The following PLEK2 variants were observed in gnomAD, a reference collection of about 807,000 sequenced individuals.
PLEK2 encodes the protein pleckstrin 2.
PLEK2 carries 29 observed loss-of-function variants against 43.8 expected under a neutral mutation model. That is an observed-to-expected ratio of 0.66 (90% CI 0.49 to 0.90). PLEK2 has a LOEUF of 0.90. Among genes scored for constraint, PLEK2 ranks in the 40% least tolerant of loss-of-function variants. PLEK2 has a pLI of 0.00. For synonymous variants in PLEK2, 162 were observed against 173.2 expected (o/e 0.94, Z 0.51); for missense variants, 398 against 448.1 (o/e 0.89, Z 1.01).
At chr14:67,401,283 T>C (rs1405763695) in intron 1 of PLEK2, among the ~76,000 whole-genome samples, 2 of 152,010 alleles carry the variant, frequency 1.3e-5, no homozygotes, top group Non-Finnish European at 2.9e-5. Flanking sequence ...GCCCAGGAGT[T>C]TGAGGCCAGC....
chr14:67,405,224 C>CAAA (rs770594121), intron 1 of PLEK2, among the ~76,000 whole-genome samples: 25 of 40,128 alleles, frequency 6.2e-4, no homozygotes, highest in East Asian at 1.4e-3. Flanking sequence ...GAGTCCATCT[C>CAAA]AAAAAAAAAA....
intron 2 of PLEK2, among the ~76,000 whole-genome samples, 186 bp downstream of exon 2, chr14:67,397,476 G>T (rs1052342192): frequency 2.0e-5 from 3 of 152,228 alleles, no homozygotes; most frequent in African/African-American, 7.2e-5. Context: ...AGGAACGAAG[G>T]CTCAGAGAGG....
At position 67,392,649 on chromosome 14, in the gene PLEK2, C is replaced by T; in HGVS notation, c.669+13G>A. The T allele has an allele frequency of 6.2e-7, 1 of 1,603,188 alleles. No homozygotes were observed. The highest frequency in any genetic ancestry group is 8.5e-7 in the Non-Finnish European group (1 of 1,172,076). Reference sequence around the variant, plus strand: ...TTGCCCTGGTGGCAAGAAGAACCCACTCCCCAACTTACAAAAGTGTACAGG... The same window carrying T: ...TTGCCCTGGTGGCAAGAAGAACCCATTCCCCAACTTACAAAAGTGTACAGG... On this transcript the variant is annotated intron_variant, in intron 5 of 8. Coordinates refer to ENST00000216446, the MANE Select transcript of PLEK2 (RefSeq NM_016445.3).
intron 1 of PLEK2, among the ~76,000 whole-genome samples, chr14:67,399,633 G>GTGGTT (rs2086033999): frequency 6.8e-6 from 1 of 147,646 alleles, no homozygotes; most frequent in South Asian, 2.2e-4. Flanking sequence ...AAAGAGAAGG[G>GTGGTT]TAGTTTAGGT....
At chr14:67,397,631 G>A (rs766427560) in intron 2 of PLEK2, 31 bp downstream of exon 2, 3 of 1,581,990 alleles carry the variant, frequency 1.9e-6, no homozygotes, top group South Asian at 2.3e-5. Flanking sequence ...GTGGAACAGA[G>A]AGGAGCTGGA....
At position 67,395,547 on chromosome 14, in the gene PLEK2, AC is replaced by A; in HGVS notation, c.243del (p.Glu81AspfsTer37). 6.2e-7 allele frequency: 1 copy of A among 1,614,030 alleles called. No individual in the cohort carries two copies. The highest frequency in any genetic ancestry group is 8.5e-7 in the Non-Finnish European group (1 of 1,179,996). On this transcript the variant is annotated frameshift_variant, in exon 3 of 9. Coordinates refer to ENST00000216446, the MANE Select transcript of PLEK2 (RefSeq NM_016445.3). LOFTEE classifies it high-confidence loss of function. ...LIKLKTQTST[E>X]YFLEACSREE... ...TCTCGAGAACAGGCCTCCAGGAAGT[AC>A]TCCGTGGATGTTTGAGTCTTCAGCT...
intron 1 of PLEK2, among the ~76,000 whole-genome samples, chr14:67,408,334 TAAAATAAAATAAAATAAAATAAAAA>T (rs1442498823): frequency 1.4e-5 from 2 of 143,630 alleles, no homozygotes; most frequent in African/African-American, 5.1e-5. Context: ...TAAAATAAAA[TAAAATAAAATAAAATAAAATAAAAA>T]AAGAAAAAAC....
At chr14:67,404,160 T>A (rs546426984) in intron 1 of PLEK2, among the ~76,000 whole-genome samples, 1 of 152,328 alleles carries the variant, frequency 6.6e-6, no homozygotes, top group African/African-American at 2.4e-5. Flanking sequence ...TCTAAATATA[T>A]ATGGTAACAA....
intron 1 of PLEK2, among the ~76,000 whole-genome samples, chr14:67,400,976 C>A (rs8021621): frequency 0.15 from 22,803 of 150,854 alleles, 3,252 homozygotes; most frequent in East Asian, 0.43. Flanking sequence ...GGTGACAGAG[C>A]AAGATTCTGC....
At chr14:67,390,369 C>T (rs1471748417) in intron 7 of PLEK2, among the ~76,000 whole-genome samples, 2 of 152,150 alleles carry the variant, frequency 1.3e-5, no homozygotes, top group African/African-American at 2.4e-5. Flanking sequence ...CCTCCCTACT[C>T]ACAAAGCAGG....
intron 2 of PLEK2, 136 bp from the exon 3 acceptor site, chr14:67,395,719 G>A (rs1274407916): frequency 3.1e-6 from 2 of 648,002 alleles, no homozygotes; most frequent in Admixed American, 2.8e-5. Context: ...CACATAGCAG[G>A]TAGTCTTTAA....
intron 2 of PLEK2, among the ~76,000 whole-genome samples, chr14:67,396,714 T>C (rs1194659200): frequency 1.3e-5 from 2 of 152,258 alleles, no homozygotes; most frequent in Admixed American, 1.3e-4. Flanking sequence ...AAGCGTTGCC[T>C]GACCCAGCCT....
intron 4 of PLEK2, 22 bp from the exon 5 acceptor site, chr14:67,392,871 C>A: frequency 1.3e-6 from 2 of 1,590,568 alleles, no homozygotes; most frequent in South Asian, 2.3e-5. Context: ...CAGCACCAGT[C>A]AGGCGATGGG....
At chr14:67,392,480 G>A (rs2085976651) in intron 5 of PLEK2, 53 bp from the exon 6 acceptor site, 1 of 1,391,418 alleles carries the variant, frequency 7.2e-7, no homozygotes, top group African/African-American at 1.4e-5. Flanking sequence ...CCAGGCCCAG[G>A]CTATGGCGGC....
In PLEK2 at chr14:67,387,235, A is replaced by G; in HGVS notation, c.*94T>C. ...CTCTCCAAAGCAGTACAAAACTTACAAAGAAGTCAAAAGTCTTAACACTCC... is the reference window on the plus strand; with the variant it reads ...CTCTCCAAAGCAGTACAAAACTTACGAAGAAGTCAAAAGTCTTAACACTCC... On this transcript the variant is annotated 3_prime_UTR_variant, in exon 9 of 9. Transcript: ENST00000216446. The G allele has an allele frequency of 7.9e-7, 1 of 1,262,778 alleles. No homozygotes were observed. Among genetic ancestry groups the G allele is most frequent in the Non-Finnish European group, 1.1e-6 (1 of 914,068 alleles). 78.2% of individuals were successfully genotyped at this position (1,262,778 alleles called of 1,614,324 possible).
At chr14:67,410,653 G>C (rs77774273) in intron 1 of PLEK2, among the ~76,000 whole-genome samples, 2 of 152,176 alleles carry the variant, frequency 1.3e-5, no homozygotes, top group South Asian at 2.1e-4. Flanking sequence ...GACACATTTT[G>C]TGGGGAAAAT....
chr14:67,387,960 AT>A (rs1231519642), intron 8 of PLEK2, among the ~76,000 whole-genome samples: 1 of 152,188 alleles, frequency 6.6e-6, no homozygotes, highest in Non-Finnish European at 1.5e-5. Flanking sequence ...CTCACCTATT[AT>A]TTTTAGGCGG....
At chr14:67,400,834 T>A (rs2086043117) in intron 1 of PLEK2, among the ~76,000 whole-genome samples, 1 of 151,114 alleles carries the variant, frequency 6.6e-6, no homozygotes, top group African/African-American at 2.4e-5. Context: ...CAAGAAAAAA[T>A]TAAAAATTAG....
At chr14:67,393,079 G>C (rs1213137055) in intron 4 of PLEK2, 71 bp downstream of exon 4, 2 of 1,221,448 alleles carry the variant, frequency 1.6e-6, no homozygotes, top group African/African-American at 3.0e-5. Context: ...GGGCGGTCAA[G>C]CACACAGCTG....
Sources: gnomAD v4.1 joint callset for allele counts (sites outside exome capture counted in the v4.1 genomes callset) on GRCh38, gnomAD v4.1.1 for gene constraint, MANE v1.5 for transcripts, NCBI Gene and HGNC (gene_info 2026-07-23, HGNC 2026-07-21) for gene names.